Variants in RAD51C observed in about 807,000 individuals in gnomAD.
The protein encoded by RAD51C is RAD51 paralog C, also known as DNA repair protein RAD51 homolog 3.
RAD51C carries 42 observed loss-of-function variants against 45.0 expected under a neutral mutation model. The observed-to-expected ratio is 0.93, with a 90% CI of 0.73 to 1.21. RAD51C has a LOEUF of 1.21. Ranked by LOEUF, RAD51C falls within the 50% of genes most tolerant of loss-of-function variation. The probability of loss-of-function intolerance (pLI) is 0.00; values close to 1 mark genes in which losing one functional copy is unlikely to be tolerated. For missense variants in RAD51C, 474 were observed against 452.2 expected, an observed-to-expected ratio of 1.05 and a Z score of -0.44; for synonymous variants, 172 against 159.8, an observed-to-expected ratio of 1.08 and a Z score of -0.58.
intron 2 of RAD51C, among the ~76,000 whole-genome samples, chr17:58,696,249 G>A (rs1433307902): frequency 4.0e-5 from 6 of 151,890 alleles, no homozygotes; most frequent in East Asian, 1.9e-4. Context: ...TGGCTAACAC[G>A]GTGAAACCCC....
intron 5 of RAD51C, 133 bp from the exon 6 acceptor site, chr17:58,720,613 C>G (rs2048884826): frequency 4.5e-6 from 3 of 663,214 alleles, no homozygotes; most frequent in Non-Finnish European, 8.1e-6. Context: ...GCTGGGATTA[C>G]AGGTGCATGC....
At position 58,704,464 on chromosome 17, in the gene RAD51C, G is replaced by T. The variant is rs527620969; in HGVS notation, c.705+1135G>T. On this transcript the variant is annotated intron_variant, in intron 4 of 8. Transcript: ENST00000337432. The stretch of plus-strand genomic sequence containing the variant: ...ATTTTTTTTTTTTTTTATATTTTTG[G>T]TAGAAACAGGGTTTTGCATGTTGGC... Among the ~76,000 whole-genome samples the T allele has an allele frequency of 3.1e-3, 461 of 150,872 alleles. 3 individuals carry two copies. The highest frequency in any genetic ancestry group is 5.3e-3 in the Non-Finnish European group (361 of 67,732).
At chr17:58,726,606 G>T (rs1046738507) in intron 7 of RAD51C, among the ~76,000 whole-genome samples, 1 of 105,902 alleles carries the variant, frequency 9.4e-6, no homozygotes, top group African/African-American at 2.8e-5. Flanking sequence ...ATGTATATAC[G>T]TGTATGTATA....
At chr17:58,695,709 G>A (rs972398929) in intron 2 of RAD51C, among the ~76,000 whole-genome samples, 4 of 150,688 alleles carry the variant, frequency 2.7e-5, no homozygotes, top group Admixed American at 6.6e-5. Flanking sequence ...AGCTTGAGCC[G>A]GGGAGGTCAA....
intron 5 of RAD51C, among the ~76,000 whole-genome samples, chr17:58,718,384 T>G (rs977397467): frequency 2.0e-5 from 3 of 152,198 alleles, no homozygotes; most frequent in Non-Finnish European, 4.4e-5. Flanking sequence ...ATTATCAGTT[T>G]TAGTTTGCAA....
At position 58,708,982 on chromosome 17, in the gene RAD51C, G is replaced by A. The variant is rs559848788; in HGVS notation, c.706-877G>A. 2.6e-4 allele frequency among the ~76,000 whole-genome samples: 39 copies of A among 151,910 alleles called. No homozygotes were observed. In the South Asian group the frequency reaches 8.1e-3, roughly 32 times the overall value. ...TGTTTTACCAAGACTTTTTCTTTAAGCCTTTTCAGAATGTTTTACAAAGAC... is the reference window on the plus strand; with the variant it reads ...TGTTTTACCAAGACTTTTTCTTTAAACCTTTTCAGAATGTTTTACAAAGAC... On this transcript the variant is annotated intron_variant, in intron 4 of 8. Transcript: ENST00000337432.
chr17:58,730,235 G>A (rs2049361525), intron 7 of RAD51C, among the ~76,000 whole-genome samples: 1 of 150,470 alleles, frequency 6.6e-6, no homozygotes, highest in Non-Finnish European at 1.5e-5. Flanking sequence ...CACGATCTCG[G>A]CTCACTGCAA....
chr17:58,705,681 A>G (rs898649927), intron 4 of RAD51C, among the ~76,000 whole-genome samples: 3 of 152,104 alleles, frequency 2.0e-5, no homozygotes, highest in Non-Finnish European at 4.4e-5. Context: ...TTAGGGTCCC[A>G]TCTTTATGAA....
chr17:58,730,555 T>C (rs773338500), intron 7 of RAD51C, among the ~76,000 whole-genome samples: 3 of 152,128 alleles, frequency 2.0e-5, no homozygotes, highest in African/African-American at 4.8e-5. Flanking sequence ...TATAGAACAT[T>C]TTGGATTCTG....
At chr17:58,695,383 C>T in intron 2 of RAD51C, 194 bp downstream of exon 2, 1 of 1,344,924 alleles carries the variant, frequency 7.4e-7, no homozygotes, top group Middle Eastern at 2.8e-4. Context: ...TGCAATTATT[C>T]TGATGTGAAA....
At chr17:58,720,587 C>T (rs1026064277) in intron 5 of RAD51C, among the ~76,000 whole-genome samples, 159 bp from the exon 6 acceptor site, 3 of 152,034 alleles carry the variant, frequency 2.0e-5, no homozygotes, top group Non-Finnish European at 4.4e-5. Flanking sequence ...ATTCTCCTGC[C>T]TCAGCCTCCG....
rs34517797 is a variant in RAD51C at position 58,734,588 on chromosome 17, G to GTTTTTTTTTTTT, written c.*378_*389dup. ...AAGAAACATATCATATTCTTATTGT[G>GTTTTTTTTTTTT]TTTTTTTTTTTTTTTTTTTTTTTGG... On this transcript the variant is annotated 3_prime_UTR_variant, in exon 9 of 9. Transcript: ENST00000337432. 9.9e-6 allele frequency: 1 copy of GTTTTTTTTTTTT among 100,772 alleles called. No homozygotes were observed. Among genetic ancestry groups the GTTTTTTTTTTTT allele is most frequent in the Non-Finnish European group, 1.8e-5 (1 of 55,844 alleles). 6.2% of individuals were successfully genotyped at this position (100,772 alleles called of 1,614,324 possible). A position where few individuals can be genotyped will look rare whatever the true frequency, so the allele number is the denominator to read the frequency against.
At chr17:58,696,365 G>A (rs1385915909) in intron 2 of RAD51C, among the ~76,000 whole-genome samples, 6 of 152,112 alleles carry the variant, frequency 3.9e-5, no homozygotes, top group Middle Eastern at 3.2e-3. Context: ...CCTGGGAGGC[G>A]GAGCTTGCAG....
chr17:58,729,033 G>T (rs1237743179), intron 7 of RAD51C, among the ~76,000 whole-genome samples: 1 of 152,150 alleles, frequency 6.6e-6, no homozygotes, highest in Non-Finnish European at 1.5e-5. Context: ...AGCACAAATT[G>T]TGCTTCTGTC....
intron 5 of RAD51C, among the ~76,000 whole-genome samples, chr17:58,715,526 A>C (rs984854024): frequency 6.6e-6 from 1 of 151,738 alleles, no homozygotes; most frequent in African/African-American, 2.4e-5. Flanking sequence ...AGTCCCTCAC[A>C]ACCACTAGTA....
Position 58,734,301 on chromosome 17 carries a change from G to A in RAD51C, c.*79G>A. ...GTACAAGTGGACTTGTTACCTTAAA[G>A]TATAAATAAACACACTATGGCATGA... On this transcript the variant is annotated 3_prime_UTR_variant, in exon 9 of 9. Transcript: ENST00000337432. 6.4e-7 allele frequency: 1 copy of A among 1,555,470 alleles called. No individual in the cohort carries two copies.
At chr17:58,703,389 A>G (rs561703592) in intron 4 of RAD51C, 60 bp downstream of exon 4, 208 of 1,548,868 alleles carry the variant, frequency 1.3e-4, no homozygotes, top group Non-Finnish European at 1.8e-4. Context: ...TTTGATAAGC[A>G]TGAAAAAATA....
chr17:58,722,691 A>C (rs1020876041), intron 6 of RAD51C, among the ~76,000 whole-genome samples: 1 of 152,222 alleles, frequency 6.6e-6, no homozygotes, highest in African/African-American at 2.4e-5. Flanking sequence ...TTAAAAATCA[A>C]CGTAGACCAC....
intron 1 of RAD51C, chr17:58,694,391 C>T (rs1202599103): frequency 6.3e-6 from 1 of 158,110 alleles, no homozygotes; most frequent in Non-Finnish European, 1.4e-5. Context: ...CTTGTAGGTA[C>T]TCAGAAATGC....
Sources: allele counts gnomAD v4.1 joint callset (sites outside exome capture counted in the v4.1 genomes callset), GRCh38; gene constraint gnomAD v4.1.1; transcripts MANE v1.5; gene names NCBI Gene and HGNC (gene_info 2026-07-23, HGNC 2026-07-21).